MICU1: variants seen among roughly 807,000 people sequenced by gnomAD.
MICU1 encodes mitochondrial calcium uptake 1.
Under a neutral mutation model 56.8 loss-of-function variants are expected in MICU1, and 45 were observed. That is an observed-to-expected ratio of 0.79 (90% CI 0.62 to 1.02). The LOEUF is 1.02. Ranked by LOEUF, MICU1 falls within the 50% of genes least tolerant of loss-of-function variation. The pLI is 0.00. For missense variants in MICU1, 504 were observed against 587.1 expected, an observed-to-expected ratio of 0.86 and a Z score of 1.46; for synonymous variants, 186 against 195.1, an observed-to-expected ratio of 0.95 and a Z score of 0.39.
At chr10:72,580,239 T>G (rs1482525559) in intron 1 of MICU1, among the ~76,000 whole-genome samples, 1 of 152,130 alleles carries the variant, frequency 6.6e-6, no homozygotes, top group Non-Finnish European at 1.5e-5. Flanking sequence ...CAATGTAAAA[T>G]AATATGTCTA....
At chr10:72,511,588 A>C (rs545323177) in intron 5 of MICU1, among the ~76,000 whole-genome samples, 272 of 152,330 alleles carry the variant, frequency 1.8e-3, no homozygotes, top group African/African-American at 5.3e-3. Context: ...CCTGAGAACA[A>C]ACCTAAGTCT....
At chr10:72,495,655 CAAAAAA>C (rs758909513) in intron 6 of MICU1, among the ~76,000 whole-genome samples, 2 of 85,428 alleles carry the variant, frequency 2.3e-5, no homozygotes, top group Admixed American at 1.3e-4. Flanking sequence ...ACCTCTGTCT[CAAAAAA>C]AAAAAAAAAA....
intron 7 of MICU1, chr10:72,475,951 G>C (rs1327028943): frequency 6.6e-6 from 3 of 454,544 alleles, no homozygotes; most frequent in Non-Finnish European, 8.8e-6. Context: ...TCATGACCAG[G>C]TGTGGTGGCT....
At chr10:72,487,673 A>G (rs1381157299) in intron 6 of MICU1, among the ~76,000 whole-genome samples, 2 of 152,206 alleles carry the variant, frequency 1.3e-5, no homozygotes, top group Admixed American at 1.3e-4. Flanking sequence ...GAATGTTTTG[A>G]GAAAGCCAAA....
chr10:72,503,411 G>C (rs909027338), intron 6 of MICU1, among the ~76,000 whole-genome samples: 3 of 152,140 alleles, frequency 2.0e-5, no homozygotes, highest in Admixed American at 2.0e-4. Context: ...GCAATATCTG[G>C]AGACAGTTTT....
At chr10:72,442,076 T>C (rs1864954443) in intron 8 of MICU1, among the ~76,000 whole-genome samples, 1 of 152,212 alleles carries the variant, frequency 6.6e-6, no homozygotes, top group South Asian at 2.1e-4. Context: ...GTATCCATTT[T>C]CAGTGGGCTC....
chr10:72,442,509 T>C (rs1281598499), intron 8 of MICU1, among the ~76,000 whole-genome samples: 1 of 152,220 alleles, frequency 6.6e-6, no homozygotes, highest in Non-Finnish European at 1.5e-5. Flanking sequence ...ATCTATTTTA[T>C]ACATGTATTC....
chr10:72,591,760 C>T (rs560146785), intron 1 of MICU1, among the ~76,000 whole-genome samples: 5 of 152,172 alleles, frequency 3.3e-5, no homozygotes, highest in East Asian at 1.9e-4. Flanking sequence ...CGGTGGCTCA[C>T]GCTTGTAATC....
intron 1 of MICU1, among the ~76,000 whole-genome samples, chr10:72,592,807 A>C (rs963774502): frequency 7.3e-6 from 1 of 137,840 alleles, no homozygotes; most frequent in Admixed American, 7.5e-5. Context: ...TTTGAGATGG[A>C]GTTTCACTCT....
At chr10:72,370,203 C>T (rs918281253) in intron 11 of MICU1, among the ~76,000 whole-genome samples, 7 of 152,014 alleles carry the variant, frequency 4.6e-5, no homozygotes, top group Non-Finnish European at 7.4e-5. Context: ...TTAGAAACCA[C>T]CCAAGCCACA....
chr10:72,500,302 A>ATTTT (rs542725786), intron 6 of MICU1, among the ~76,000 whole-genome samples: 35 of 10,604 alleles, frequency 3.3e-3, no homozygotes, highest in South Asian at 0.025. Flanking sequence ...ATATATATAT[A>ATTTT]TTTTTTTTTT....
chr10:72,399,351 T>C (rs1005357066), intron 10 of MICU1, among the ~76,000 whole-genome samples: 8 of 152,076 alleles, frequency 5.3e-5, no homozygotes, highest in African/African-American at 1.9e-4. Flanking sequence ...TTAGGAGATA[T>C]ACCTAATGTA....
chr10:72,419,900 A>G (rs1316599845), intron 9 of MICU1, among the ~76,000 whole-genome samples: 2 of 152,138 alleles, frequency 1.3e-5, no homozygotes, highest in East Asian at 1.9e-4. Context: ...CATAATGCAC[A>G]TGTGTCGTGG....
rs1219913686 is a variant in MICU1 at position 72,523,875 on chromosome 10, T to C, written c.537+9871A>G. The C allele has an allele frequency of 3.9e-6, 6 of 1,519,884 alleles. No homozygotes were observed. In the African/African-American group the frequency reaches 5.5e-5, roughly 14 times the overall value. The allele number at this position is 1,519,884 out of a possible 1,614,324, so 94.1% of individuals were successfully genotyped here. ...TTCTTTTCATGGTTTTCTCCAAATA[T>C]TTAGTTGCTTTTCCAAATTAAAGTC... is the stretch of plus-strand genomic sequence containing the variant. On this transcript the variant is annotated intron_variant, in intron 5 of 11. Coordinates refer to ENST00000361114, the MANE Select transcript of MICU1 (RefSeq NM_001195518.2).
chr10:72,607,997 G>A (rs1841738793), intron 1 of MICU1, among the ~76,000 whole-genome samples: 1 of 152,168 alleles, frequency 6.6e-6, no homozygotes. Flanking sequence ...CGTGTTATGA[G>A]TGAGAGTAAA....
intron 8 of MICU1, among the ~76,000 whole-genome samples, chr10:72,447,239 C>T (rs987889403): frequency 1.3e-5 from 2 of 152,118 alleles, no homozygotes; most frequent in African/African-American, 4.8e-5. Context: ...TAATAATGTA[C>T]AAAATGCTTC....
At chr10:72,522,863 A>G (rs1867863383) in intron 5 of MICU1, among the ~76,000 whole-genome samples, 1 of 152,206 alleles carries the variant, frequency 6.6e-6, no homozygotes, top group Admixed American at 6.5e-5. Flanking sequence ...CATAGAACAC[A>G]ATGTAGGTAA....
chr10:72,521,486 A>G (rs951285888), intron 5 of MICU1, among the ~76,000 whole-genome samples: 1 of 152,082 alleles, frequency 6.6e-6, no homozygotes, highest in African/African-American at 2.4e-5. Flanking sequence ...CATTTGATTT[A>G]TTCTCTTTAG....
chr10:72,443,811 T>C (rs1865015842), intron 8 of MICU1, among the ~76,000 whole-genome samples: 1 of 151,852 alleles, frequency 6.6e-6, no homozygotes, highest in Non-Finnish European at 1.5e-5. Context: ...GAAGTCAGTG[T>C]GGCGATTCCT....
Sources: gnomAD v4.1 joint callset for allele counts (sites outside exome capture counted in the v4.1 genomes callset) on GRCh38, gnomAD v4.1.1 for gene constraint, MANE v1.5 for transcripts, NCBI Gene and HGNC (gene_info 2026-07-23, HGNC 2026-07-21) for gene names.